Variants in GNAI2 observed in about 807,000 individuals in gnomAD.
GNAI2 encodes the protein G protein subunit alpha i2.
A neutral mutation model predicts 36.8 loss-of-function variants in GNAI2; 4 were observed. The observed-to-expected ratio is 0.11, with a 90% CI of 0.05 to 0.25. The LOEUF (loss-of-function observed/expected upper bound fraction) is 0.25, where lower values mean the gene tolerates loss of function less well. GNAI2 is among the 10% of genes least tolerant of loss of function. The pLI is 1.00. For missense variants in GNAI2, 230 were observed against 481.3 expected (o/e 0.48, Z 4.89); for synonymous variants, 194 against 194.1 (o/e 1.00, Z 0.01).
upstream of GNAI2, among the ~76,000 whole-genome samples, chr3:50,231,774 G>A: frequency 6.6e-6 from 1 of 152,164 alleles, no homozygotes; most frequent in East Asian, 1.9e-4. Flanking sequence ...AACAGGGTAG[G>A]GGGATGGGAG....
Position 50,254,547 on chromosome 3 carries a change from G to A in GNAI2, c.464+1363G>A, listed in dbSNP as rs147886858. ...ATGGCCTGAATGCTCTTGTGAATAT[G>A]TACCCCCTACAGGAGCTGTGGAGTC... On this transcript the variant is annotated intron_variant, in intron 4 of 8. Transcript: ENST00000313601. 2.4e-3 allele frequency among the ~76,000 whole-genome samples: 373 copies of A among 152,270 alleles called. 1 individual carries two copies. The highest frequency in any genetic ancestry group is 4.7e-3 in the Non-Finnish European group (323 of 68,022).
At chr3:50,256,402 C>A in intron 5 of GNAI2, 82 bp downstream of exon 5, 2 of 1,302,294 alleles carry the variant, frequency 1.5e-6, no homozygotes, top group East Asian at 2.3e-5. Flanking sequence ...TCCAGGATCC[C>A]CCAGCCCCAC....
At chr3:50,257,168 A>AGGCG in intron 7 of GNAI2, 78 bp downstream of exon 7, 1 of 1,286,768 alleles carries the variant, frequency 7.8e-7, no homozygotes. Context: ...GGTGGCCCTC[A>AGGCG]GGCGCCCCCC....
rs587724204 is a variant in GNAI2, at chr3:50,242,232, C to A, written c.118+5779C>A. Among the ~76,000 whole-genome samples the A allele has an allele frequency of 2.0e-5, 3 of 152,076 alleles. No homozygotes were observed. Among genetic ancestry groups the A allele is most frequent in the South Asian group, 2.1e-4 (1 of 4,826 alleles). ...CCCACAGCAGAGGAGGAGACTGTCA[C>A]CCCAGAGCCTGAGTGCTGCCTCCCC... On this transcript the variant is annotated intron_variant, in intron 1 of 8. Coordinates refer to ENST00000313601, the MANE Select transcript of GNAI2 (RefSeq NM_002070.4). This position sits in a 1 kb window ranked among gnomAD's most constrained non-coding sequence, Gnocchi z 4.8.
intron 1 of GNAI2, among the ~76,000 whole-genome samples, chr3:50,237,942 C>A (rs1452258247): frequency 1.3e-5 from 2 of 152,188 alleles, no homozygotes; most frequent in Non-Finnish European, 2.9e-5. Flanking sequence ...CCATTATGGG[C>A]CATCTGTTGA....
upstream of GNAI2, among the ~76,000 whole-genome samples, chr3:50,232,961 G>A (rs1553699948): frequency 6.6e-6 from 1 of 151,904 alleles, no homozygotes; most frequent in Non-Finnish European, 1.5e-5. Flanking sequence ...TCTGGACAGT[G>A]TGGATTTGAG....
chr3:50,245,506 G>A (rs880000091), intron 1 of GNAI2, among the ~76,000 whole-genome samples: 2 of 152,242 alleles, frequency 1.3e-5, no homozygotes, highest in Admixed American at 6.5e-5. Context: ...GAATCAGAAG[G>A]GAAAAGAGGT....
intron 1 of GNAI2, among the ~76,000 whole-genome samples, chr3:50,240,918 CAAAAA>C (rs11302773): frequency 2.3e-5 from 2 of 86,744 alleles, no homozygotes; most frequent in Non-Finnish European, 2.4e-5. Flanking sequence ...GACTCTGTCT[CAAAAA>C]AAAAAAAAAA....
chr3:50,227,273 G>T (rs1699992189), upstream of GNAI2: 2 of 749,290 alleles, frequency 2.7e-6, no homozygotes, highest in Non-Finnish European at 3.9e-6. The surrounding 1 kb of genome is among the most constrained non-coding windows in gnomAD (Gnocchi z 5.9). Context: ...GGGTGCCACA[G>T]AGGGCTAGTT....
chr3:50,256,637 C>T (rs1700710161), intron 5 of GNAI2, 86 bp from the exon 6 acceptor site: 1 of 1,456,814 alleles, frequency 6.9e-7, no homozygotes, highest in South Asian at 1.2e-5. Context: ...GGGCAGGCCT[C>T]TGTCCTCAGT....
chr3:50,249,556 G>C (rs1375359612), intron 1 of GNAI2, among the ~76,000 whole-genome samples: 1 of 151,954 alleles, frequency 6.6e-6, no homozygotes, highest in African/African-American at 2.4e-5. Flanking sequence ...TAGTGCCCAG[G>C]GGCTAAAGCA....
chr3:50,247,719 GGCCCTAACTGC>G (rs1700455771), intron 1 of GNAI2, among the ~76,000 whole-genome samples: 1 of 152,248 alleles, frequency 6.6e-6, no homozygotes, highest in African/African-American at 2.4e-5. Flanking sequence ...ACCTGCTGTG[GGCCCTAACTGC>G]GCCACAGGGC....
In GNAI2 at chr3:50,253,525, G is replaced by A. The variant is rs587703073; in HGVS notation, c.464+341G>A. Among the ~76,000 whole-genome samples, 9 of 152,264 alleles carry A rather than the reference G, an allele frequency of 5.9e-5. No homozygotes were observed. Among genetic ancestry groups the A allele is most frequent in the African/African-American group, 1.7e-4 (7 of 41,554 alleles). ...TTTGGGAGGCTGAGACAGGCGGGTC[G>A]TGAGATCAGGAGATCGAGACCATCC... is the stretch of plus-strand genomic sequence containing the variant. On this transcript the variant is annotated intron_variant, in intron 4 of 8. Transcript: ENST00000313601. The surrounding 1 kb of genome is among the most constrained non-coding windows in gnomAD (Gnocchi z 4.2).
intron 1 of GNAI2, among the ~76,000 whole-genome samples, chr3:50,249,390 T>G (rs1427631695): frequency 6.6e-6 from 1 of 152,188 alleles, no homozygotes; most frequent in East Asian, 1.9e-4. Context: ...TGTGAGGCTT[T>G]CCTGGGACCT....
intron 1 of GNAI2, among the ~76,000 whole-genome samples, chr3:50,250,183 G>A (rs1700520280): frequency 6.6e-6 from 1 of 152,138 alleles, no homozygotes; most frequent in South Asian, 2.1e-4. Context: ...GCAGTTGGTG[G>A]GTGTCATTGA....
chr3:50,227,184 C>A, upstream of GNAI2: 2 of 1,445,074 alleles, frequency 1.4e-6, no homozygotes, highest in South Asian at 2.7e-5. This position sits in a 1 kb window ranked among gnomAD's most constrained non-coding sequence, Gnocchi z 5.9. Context: ...TCACTGGGGA[C>A]GTTCTGAGGG....
In GNAI2 at chr3:50,236,562, G is replaced by A; in HGVS notation, c.118+109G>A. On this transcript the variant is annotated intron_variant, in intron 1 of 8. Coordinates refer to ENST00000313601, the MANE Select transcript of GNAI2 (RefSeq NM_002070.4). This position sits in a 1 kb window ranked among gnomAD's most constrained non-coding sequence, Gnocchi z 4.0. ...AAACTCCCAGACCCGGGCTGTCTGG[G>A]ACCCCACACCTGGGCCAGGACCAGG... 16 of 1,425,090 alleles carry A rather than the reference G, an allele frequency of 1.1e-5. No homozygotes were observed. In the South Asian group the frequency reaches 2.3e-4, roughly 20 times the overall value. The allele number at this position is 1,425,090 out of a possible 1,614,324, so 88.3% of individuals were successfully genotyped here.
chr3:50,257,588 G>A lies in GNAI2; in HGVS notation c.966G>A (p.Thr322=), dbSNP rs377114196. ...NKRKDTKEIY[T]HFTCATDTKN... The stretch of plus-strand genomic sequence containing the variant: ...GCAAAGACACCAAGGAGATCTACAC[G>A]CACTTCACGTGCGCCACCGACACCA... The change falls in exon 8 of 9, where the codon ACG becomes ACA. Residue 322 remains threonine, a synonymous_variant. Coordinates refer to ENST00000313601, the MANE Select transcript of GNAI2 (RefSeq NM_002070.4). 2.3e-5 allele frequency: 37 copies of A among 1,609,994 alleles called. 1 individual carries two copies. In the Middle Eastern group the frequency reaches 4.5e-3, roughly 194 times the overall value.
Position 50,253,203 on chromosome 3 carries a change from T to A in GNAI2, c.464+19T>A. The A allele has an allele frequency of 6.3e-7, 1 of 1,587,548 alleles. No individual in the cohort carries two copies. The highest frequency in any genetic ancestry group is 8.6e-7 in the Non-Finnish European group (1 of 1,158,740). ...CTGCCTAGTGAGTGCTCTGAGGGGCTGGGCAGGGCAGGGCAGGGGCTGGGG... is the reference window on the plus strand; with the variant it reads ...CTGCCTAGTGAGTGCTCTGAGGGGCAGGGCAGGGCAGGGCAGGGGCTGGGG... On this transcript the variant is annotated intron_variant, in intron 4 of 8. Coordinates refer to ENST00000313601, the MANE Select transcript of GNAI2 (RefSeq NM_002070.4). The surrounding 1 kb of genome is among the most constrained non-coding windows in gnomAD (Gnocchi z 4.2).
Sources: gnomAD v4.1 joint callset for allele counts (sites outside exome capture counted in the v4.1 genomes callset) on GRCh38, gnomAD v4.1.1 for gene constraint, Gnocchi (gnomAD v3.1) non-coding constraint, MANE v1.5 for transcripts, NCBI Gene and HGNC (gene_info 2026-07-23, HGNC 2026-07-21) for gene names.